SDK1: variants seen among roughly 807,000 people sequenced by gnomAD.
SDK1 encodes the protein protein sidekick-1.
A neutral mutation model predicts 245.5 loss-of-function variants in SDK1; 157 were observed. The observed-to-expected ratio is 0.64, with a 90% CI of 0.56 to 0.73. SDK1 has a LOEUF of 0.73. SDK1 is among the 30% of genes least tolerant of loss of function. SDK1 has a pLI of 0.00. For synonymous variants in SDK1, 1,647 were observed against 1,278.5 expected (o/e 1.29, Z -6.15); for missense variants, 3,583 against 3,002.3 (o/e 1.19, Z -4.52).
chr7:4,215,950 C>A (rs186121631), intron 38 of SDK1, among the ~76,000 whole-genome samples: 1 of 152,192 alleles, frequency 6.6e-6, no homozygotes, highest in African/African-American at 2.4e-5. Context: ...CCTGCCCAGC[C>A]TCACACAGGG....
chr7:3,747,629 A>G (rs183852218), intron 4 of SDK1, among the ~76,000 whole-genome samples: 11 of 152,286 alleles, frequency 7.2e-5, no homozygotes, highest in African/African-American at 2.4e-4. Flanking sequence ...AATAATCACT[A>G]GTGTTGAAAG....
intron 1 of SDK1, among the ~76,000 whole-genome samples, chr7:3,471,942 C>T (rs1018970800): frequency 2.6e-5 from 4 of 152,190 alleles, no homozygotes; most frequent in African/African-American, 9.7e-5. Context: ...TAATCAAACT[C>T]TTTAAGTTGT....
chr7:4,168,113 A>G (rs1049937281), intron 32 of SDK1, among the ~76,000 whole-genome samples: 5 of 152,058 alleles, frequency 3.3e-5, no homozygotes, highest in African/African-American at 7.2e-5. Context: ...AAGCCACCGG[A>G]CCCTTTGTAA....
intron 44 of SDK1, among the ~76,000 whole-genome samples, chr7:4,253,487 G>C (rs918588580): frequency 7.9e-5 from 12 of 152,094 alleles, no homozygotes; most frequent in Non-Finnish European, 7.3e-5. Flanking sequence ...ATTTTGGTCA[G>C]AGAAACCATA....
chr7:4,174,488 A>G, intron 33 of SDK1, 131 bp downstream of exon 33: 1 of 1,075,672 alleles, frequency 9.3e-7, no homozygotes. Context: ...GCCCTCAGGA[A>G]CAGGGAGCAG....
chr7:3,655,881 A>T (rs901721526), intron 4 of SDK1, among the ~76,000 whole-genome samples: 1 of 152,106 alleles, frequency 6.6e-6, no homozygotes, highest in Non-Finnish European at 1.5e-5. Flanking sequence ...GGAAGTTGAG[A>T]TAAGGGTATA....
At chr7:3,885,276 A>G (rs1167559892) in intron 5 of SDK1, among the ~76,000 whole-genome samples, 1 of 152,158 alleles carries the variant, frequency 6.6e-6, no homozygotes, top group Non-Finnish European at 1.5e-5. Context: ...CTTTGGGAAT[A>G]ACGTCTGTAA....
intron 5 of SDK1, among the ~76,000 whole-genome samples, chr7:3,919,153 C>G (rs928569960): frequency 1.3e-5 from 2 of 152,168 alleles, no homozygotes; most frequent in African/African-American, 4.8e-5. Flanking sequence ...CTCCTTTCAC[C>G]TTCCCCCTGC....
chr7:3,850,897 T>C (rs1407632193), intron 5 of SDK1, among the ~76,000 whole-genome samples: 4 of 151,878 alleles, frequency 2.6e-5, no homozygotes, highest in Non-Finnish European at 4.4e-5. Flanking sequence ...TTAAGAGATA[T>C]ACCTAATGTA....
rs34610558 is a variant in SDK1 at position 4,262,018 on chromosome 7, C to CTTTTT, written c.6382-3081_6382-3077dup. 3.9e-3 allele frequency among the ~76,000 whole-genome samples: 230 copies of CTTTTT among 59,256 alleles called. 42 individuals carry two copies. The highest frequency in any genetic ancestry group is 0.011 in the South Asian group (18 of 1,608). The allele number at this position is 59,256 out of a possible 152,430, so 38.9% of individuals were successfully genotyped here. On this transcript the variant is annotated intron_variant, in intron 44 of 44. Transcript: ENST00000404826. ...AATCAATTTCACCCTCTGCTTTCTC[C>CTTTTT]TTTTTTTTTTTTTTTTTTTTTTTTT...
chr7:3,916,410 A>C (rs1397295851), intron 5 of SDK1, among the ~76,000 whole-genome samples: 1 of 152,242 alleles, frequency 6.6e-6, no homozygotes, highest in Non-Finnish European at 1.5e-5. Context: ...CCTTTGGCAC[A>C]GTGAGTTTGG....
intron 1 of SDK1, among the ~76,000 whole-genome samples, chr7:3,555,752 T>C (rs1487706784): frequency 1.3e-5 from 2 of 152,086 alleles, no homozygotes; most frequent in Non-Finnish European, 2.9e-5. Context: ...GATTAAAAAA[T>C]GGACAAAAGA....
intron 1 of SDK1, among the ~76,000 whole-genome samples, chr7:3,366,380 T>G (rs1363581581): frequency 6.6e-6 from 1 of 152,120 alleles, no homozygotes; most frequent in East Asian, 1.9e-4. Context: ...CAATATATTT[T>G]GGAGATTACT....
intron 5 of SDK1, among the ~76,000 whole-genome samples, chr7:3,856,038 A>C (rs1025243167): frequency 2.6e-5 from 4 of 152,346 alleles, no homozygotes; most frequent in Middle Eastern, 3.4e-3. Context: ...TGATAGCATT[A>C]ATACAGAACT....
intron 1 of SDK1, among the ~76,000 whole-genome samples, chr7:3,499,000 C>G (rs764141119): frequency 6.6e-6 from 1 of 152,136 alleles, no homozygotes; most frequent in Non-Finnish European, 1.5e-5. Context: ...TTGCAGAAAT[C>G]TAAAGTTTAA....
chr7:3,455,054 T>G lies in SDK1; in HGVS notation c.298+153170T>G, dbSNP rs189413792. Among the ~76,000 whole-genome samples, 904 of 152,304 alleles carry G rather than the reference T, an allele frequency of 5.9e-3. 9 individuals are homozygous for G. The highest frequency in any genetic ancestry group is 0.02 in the African/African-American group (839 of 41,560). On this transcript the variant is annotated intron_variant, in intron 1 of 44. Transcript: ENST00000404826. ...GGTATGCAGTGATATCTTGTGGCTT[T>G]AATTCACATTTTTGTAATGGCTACT...
chr7:4,204,571 C>T (rs916726764), intron 35 of SDK1, among the ~76,000 whole-genome samples: 2 of 152,204 alleles, frequency 1.3e-5, no homozygotes, highest in Non-Finnish European at 1.5e-5. Context: ...AGGTCAGTCT[C>T]TCCCAAGAAG....
At chr7:3,650,279 T>C (rs1376948797) in intron 4 of SDK1, among the ~76,000 whole-genome samples, 1 of 152,192 alleles carries the variant, frequency 6.6e-6, no homozygotes, top group Non-Finnish European at 1.5e-5. Flanking sequence ...CACAGTGTTG[T>C]GCAATCATCA....
At chr7:3,415,106 T>G (rs1450390122) in intron 1 of SDK1, among the ~76,000 whole-genome samples, 3 of 152,168 alleles carry the variant, frequency 2.0e-5, no homozygotes, top group African/African-American at 7.2e-5. Flanking sequence ...TTGCTGGGTT[T>G]TGTTAACTTG....
Sources: gnomAD v4.1 joint callset for allele counts (sites outside exome capture counted in the v4.1 genomes callset) on GRCh38, gnomAD v4.1.1 for gene constraint, MANE v1.5 for transcripts, NCBI Gene and HGNC (gene_info 2026-07-23, HGNC 2026-07-21) for gene names.